PIAS1: variants seen among roughly 807,000 people sequenced by gnomAD.
PIAS1 encodes E3 SUMO-protein ligase PIAS1.
PIAS1 carries 6 observed loss-of-function variants against 71.3 expected under a neutral mutation model. The observed-to-expected ratio is 0.08, with a 90% CI of 0.05 to 0.17. PIAS1 has a LOEUF of 0.17. Among genes scored for constraint, PIAS1 ranks in the 10% least tolerant of loss-of-function variants. The probability of loss-of-function intolerance (pLI) is 1.00; values close to 1 mark genes in which losing one functional copy is unlikely to be tolerated. For missense variants in PIAS1, 555 were observed against 793.6 expected (o/e 0.70, Z 3.61); for synonymous variants, 303 against 292.9 (o/e 1.03, Z -0.35).
At chr15:68,118,691 C>T (rs1397183524) in intron 2 of PIAS1, among the ~76,000 whole-genome samples, 3 of 152,168 alleles carry the variant, frequency 2.0e-5, no homozygotes, top group East Asian at 3.8e-4. Context: ...GGTGATTTCT[C>T]ACTGTAGTTT....
intron 1 of PIAS1, among the ~76,000 whole-genome samples, chr15:68,065,233 C>G (rs1802033397): frequency 6.6e-6 from 1 of 151,918 alleles, no homozygotes; most frequent in African/African-American, 2.4e-5. Context: ...TACAGCAGTG[C>G]CTAATTTAAA....
At position 68,191,096 on chromosome 15, in the gene PIAS1, TTC is replaced by T. The variant is rs2093117602; in HGVS notation, c.*3263_*3264del. On this transcript the variant is annotated 3_prime_UTR_variant, in exon 14 of 14. Coordinates refer to ENST00000249636, the MANE Select transcript of PIAS1 (RefSeq NM_016166.3). ...TTTTGTTTTATCAATAGATGTTGAA[TTC>T]TGTTTTTTAATTAAATACAAAGCTT... is the stretch of plus-strand genomic sequence containing the variant. 3 of 152,642 alleles carry T rather than the reference TTC, an allele frequency of 2.0e-5. No homozygotes were observed. The highest frequency in any genetic ancestry group is 7.2e-5 in the African/African-American group (3 of 41,452). The allele number at this position is 152,642 out of a possible 1,614,324, so 9.5% of individuals were successfully genotyped here.
At chr15:68,157,746 G>T (rs1240368343) in intron 7 of PIAS1, among the ~76,000 whole-genome samples, 2 of 152,048 alleles carry the variant, frequency 1.3e-5, no homozygotes, top group African/African-American at 4.8e-5. Flanking sequence ...CACCCTTATG[G>T]TTTAAAACTA....
rs139284387 is a variant in PIAS1 at position 68,110,450 on chromosome 15, G to T, written c.469+23700G>T. Among the ~76,000 whole-genome samples the T allele has an allele frequency of 6.1e-3, 929 of 152,166 alleles. 4 individuals carry two copies. The highest frequency in any genetic ancestry group is 0.032 in the East Asian group (166 of 5,174). ...ATCTTTACTAAAAATAAAAAAATTAGCCCGGTGTGGTGGCGGGTGCCTGTA... is the reference window on the plus strand; with the variant it reads ...ATCTTTACTAAAAATAAAAAAATTATCCCGGTGTGGTGGCGGGTGCCTGTA... On this transcript the variant is annotated intron_variant, in intron 2 of 13. Coordinates refer to ENST00000249636, the MANE Select transcript of PIAS1 (RefSeq NM_016166.3).
intron 2 of PIAS1, among the ~76,000 whole-genome samples, chr15:68,111,594 A>G (rs1357491065): frequency 6.6e-6 from 1 of 152,214 alleles, no homozygotes; most frequent in East Asian, 1.9e-4. Flanking sequence ...AAAATGGTTT[A>G]AAGATTTAAA....
rs1212311561 is a variant in PIAS1, at chr15:68,191,736, AAAC to A, written c.*3906_*3908del. The A allele has an allele frequency of 3.9e-5, 6 of 152,274 alleles. No homozygotes were observed. The highest frequency in any genetic ancestry group is 8.8e-5 in the Non-Finnish European group (6 of 68,040). 9.4% of individuals were successfully genotyped at this position (152,274 alleles called of 1,614,324 possible). On this transcript the variant is annotated 3_prime_UTR_variant, in exon 14 of 14. Transcript: ENST00000249636. ...GCTAAGAGCACCGTGGCCTTCTTGT[AAAC>A]AACACTAGGTGCTAGAGAAACCAGC...
intron 1 of PIAS1, among the ~76,000 whole-genome samples, chr15:68,077,380 G>A (rs1471047798): frequency 6.6e-6 from 1 of 152,186 alleles, no homozygotes; most frequent in Non-Finnish European, 1.5e-5. Context: ...AGAATGATCA[G>A]GAGTGGGAAG....
At chr15:68,127,283 T>A (rs953305454) in intron 2 of PIAS1, among the ~76,000 whole-genome samples, 14 of 151,218 alleles carry the variant, frequency 9.3e-5, no homozygotes, top group Admixed American at 6.6e-4. Flanking sequence ...TTTGAATTTC[T>A]TTTTTTTTGA....
chr15:68,184,196 G>A (rs1045487893), intron 13 of PIAS1: 6 of 152,070 alleles, frequency 3.9e-5, no homozygotes, highest in Admixed American at 1.3e-4. Context: ...AGGCCACATC[G>A]AGTGACTGAC....
chr15:68,142,052 C>T, intron 3 of PIAS1, 22 bp downstream of exon 3: 1 of 1,524,852 alleles, frequency 6.6e-7, no homozygotes, highest in Non-Finnish European at 9.0e-7. Flanking sequence ...TCAAGTGTAA[C>T]TTGAAGTTTG....
At chr15:68,116,816 T>C (rs1469280557) in intron 2 of PIAS1, among the ~76,000 whole-genome samples, 1 of 152,172 alleles carries the variant, frequency 6.6e-6, no homozygotes, top group Non-Finnish European at 1.5e-5. Flanking sequence ...TAGTTTTCCT[T>C]TTGATATCTT....
At chr15:68,090,927 GGTGTGT>G (rs10667510) in intron 2 of PIAS1, among the ~76,000 whole-genome samples, 58 of 142,852 alleles carry the variant, frequency 4.1e-4, no homozygotes, top group East Asian at 1.7e-3. Context: ...GTCATTTACG[GGTGTGT>G]GTGTGTGTGT....
At chr15:68,087,934 TAAG>T in intron 2 of PIAS1, 1 of 298,000 alleles carries the variant, frequency 3.4e-6, no homozygotes, top group East Asian at 8.6e-5. Flanking sequence ...GTGGCCATAA[TAAG>T]AAAACATTTT....
intron 2 of PIAS1, among the ~76,000 whole-genome samples, chr15:68,100,942 G>T (rs1473034360): frequency 1.3e-5 from 2 of 150,912 alleles, no homozygotes; most frequent in African/African-American, 4.9e-5. Context: ...GTCACCCAGG[G>T]TGGAGGGCAG....
At chr15:68,139,107 G>A (rs1356365821) in intron 2 of PIAS1, among the ~76,000 whole-genome samples, 1 of 152,156 alleles carries the variant, frequency 6.6e-6, no homozygotes, top group Non-Finnish European at 1.5e-5. Flanking sequence ...CTAACAGAGC[G>A]TGTATGTTTC....
At chr15:68,120,554 C>T (rs2092605049) in intron 2 of PIAS1, among the ~76,000 whole-genome samples, 1 of 152,126 alleles carries the variant, frequency 6.6e-6, no homozygotes, top group Admixed American at 6.5e-5. Flanking sequence ...CGTCACGACC[C>T]TACTTCAGGT....
chr15:68,157,088 C>T (rs1306271349), intron 7 of PIAS1, among the ~76,000 whole-genome samples: 1 of 152,136 alleles, frequency 6.6e-6, no homozygotes, highest in East Asian at 1.9e-4. Context: ...AAGCTTCTTA[C>T]TCAAGCACTA....
intron 2 of PIAS1, among the ~76,000 whole-genome samples, chr15:68,126,763 G>T (rs1423860006): frequency 6.6e-6 from 1 of 150,442 alleles, no homozygotes; most frequent in Admixed American, 6.6e-5. Flanking sequence ...GGTTATAAAT[G>T]GTAGCTTTTT....
chr15:68,071,248 C>T (rs1370093789), intron 1 of PIAS1, among the ~76,000 whole-genome samples: 1 of 119,658 alleles, frequency 8.4e-6, no homozygotes, highest in Non-Finnish European at 1.7e-5. Context: ...GAGTGGCTAA[C>T]CCCAGGGAGT....
Sources: gnomAD v4.1 joint callset for allele counts (sites outside exome capture counted in the v4.1 genomes callset) on GRCh38, gnomAD v4.1.1 for gene constraint, MANE v1.5 for transcripts, NCBI Gene and HGNC (gene_info 2026-07-23, HGNC 2026-07-21) for gene names.